Variants in B4GALNT3 observed in about 807,000 individuals in gnomAD.
B4GALNT3 encodes the protein beta-1,4-N-acetylgalactosaminyltransferase 3.
A neutral mutation model predicts 120.2 loss-of-function variants in B4GALNT3; 86 were observed. That is an observed-to-expected ratio of 0.72 (90% confidence interval 0.60 to 0.86). The LOEUF is 0.86. B4GALNT3 is among the 40% of genes least tolerant of loss of function. The pLI is 0.00. For synonymous variants in B4GALNT3, 518 were observed against 510.4 expected (o/e 1.01, Z -0.20); for missense variants, 1,167 against 1,298.9 (o/e 0.90, Z 1.56).
intron 1 of B4GALNT3, among the ~76,000 whole-genome samples, chr12:509,195 C>T (rs1039437462): frequency 2.0e-5 from 3 of 152,240 alleles, no homozygotes; most frequent in Non-Finnish European, 2.9e-5. Flanking sequence ...GCTGTACCTT[C>T]GCCCCACCCC....
chr12:465,714 G>A (rs1325526666), intron 1 of B4GALNT3, among the ~76,000 whole-genome samples: 2 of 152,066 alleles, frequency 1.3e-5, no homozygotes, highest in Non-Finnish European at 2.9e-5. Context: ...GGACCCTCAA[G>A]TTGAGGTCCC....
At chr12:478,273 T>A (rs2159363) in intron 1 of B4GALNT3, among the ~76,000 whole-genome samples, 26 of 42,266 alleles carry the variant, frequency 6.2e-4, no homozygotes, top group East Asian at 1.7e-3. Flanking sequence ...AAAAAAAAAA[T>A]TAGAGGAGGT....
intron 1 of B4GALNT3, among the ~76,000 whole-genome samples, chr12:532,151 CTA>C (rs1946814969): frequency 6.6e-6 from 1 of 152,152 alleles, no homozygotes; most frequent in East Asian, 1.9e-4. Context: ...TCTTCCTACT[CTA>C]TCATGAGGAC....
intron 14 of B4GALNT3, chr12:555,321 T>G: frequency 2.2e-6 from 1 of 456,664 alleles, no homozygotes; most frequent in South Asian, 1.6e-5. Flanking sequence ...GGACATCTTA[T>G]GCAAATGGAA....
chr12:494,819 G>C (rs984649667), intron 1 of B4GALNT3, among the ~76,000 whole-genome samples: 13 of 151,366 alleles, frequency 8.6e-5, no homozygotes, highest in African/African-American at 2.9e-4. Context: ...TAATGTGTGC[G>C]GGGGGGAGTC....
chr12:554,675 A>G (rs1947127192), intron 14 of B4GALNT3, among the ~76,000 whole-genome samples: 1 of 149,162 alleles, frequency 6.7e-6, no homozygotes, highest in African/African-American at 2.5e-5. Flanking sequence ...CTGTAGTCCC[A>G]GCTACTCGGG....
At chr12:492,470 C>G (rs1416812557) in intron 1 of B4GALNT3, among the ~76,000 whole-genome samples, 1 of 152,122 alleles carries the variant, frequency 6.6e-6, no homozygotes, top group Non-Finnish European at 1.5e-5. Flanking sequence ...AATCAAAGAA[C>G]TAATTAAGTA....
chr12:557,583 TCTC>T (rs768395942), intron 15 of B4GALNT3, 22 bp from the exon 16 acceptor site: 7 of 1,596,338 alleles, frequency 4.4e-6, no homozygotes, highest in African/African-American at 1.3e-5. Flanking sequence ...TGTGTTTCCT[TCTC>T]CTGCCTGACC....
chr12:511,884 T>TCTTCCACCTTCCACCTTC (rs768419094), intron 1 of B4GALNT3, among the ~76,000 whole-genome samples: 5 of 14,624 alleles, frequency 3.4e-4, no homozygotes, highest in African/African-American at 2.0e-3. Flanking sequence ...CCTTCCACCT[T>TCTTCCACCTTCCACCTTC]CTTCCACCTT....
chr12:513,176 A>G (rs1345425659), intron 1 of B4GALNT3, among the ~76,000 whole-genome samples: 1 of 133,854 alleles, frequency 7.5e-6, no homozygotes, highest in East Asian at 2.2e-4. Flanking sequence ...TCCACCTTCC[A>G]CCTTCTTCCA....
At chr12:534,189 T>C (rs150437093) in intron 1 of B4GALNT3, among the ~76,000 whole-genome samples, 1 of 152,316 alleles carries the variant, frequency 6.6e-6, no homozygotes, top group East Asian at 1.9e-4. Flanking sequence ...AAGTGAGCCT[T>C]GATCAGCCAT....
intron 1 of B4GALNT3, among the ~76,000 whole-genome samples, chr12:480,408 C>T (rs2120468949): frequency 6.6e-6 from 1 of 152,218 alleles, no homozygotes; most frequent in Non-Finnish European, 1.5e-5. Flanking sequence ...GTTTCCTTTT[C>T]CGTAAACACG....
intron 2 of B4GALNT3, 50 bp downstream of exon 2, chr12:535,319 C>A: frequency 1.3e-6 from 2 of 1,511,380 alleles, no homozygotes; most frequent in Non-Finnish European, 1.8e-6. Context: ...AACAAAGGTC[C>A]GCAGGTGCTC....
intron 1 of B4GALNT3, among the ~76,000 whole-genome samples, chr12:474,386 A>C (rs1475589907): frequency 1.3e-5 from 2 of 152,098 alleles, no homozygotes; most frequent in African/African-American, 2.4e-5. Context: ...ACACTTATCA[A>C]CCTTAGCATT....
At chr12:514,487 A>G (rs367806267) in intron 1 of B4GALNT3, among the ~76,000 whole-genome samples, 141 of 151,616 alleles carry the variant, frequency 9.3e-4, no homozygotes, top group South Asian at 2.3e-3. Context: ...ATGAGCCACC[A>G]CGCCCAGCCT....
At chr12:552,565 AGAGGGGC>A in intron 13 of B4GALNT3, 37 bp downstream of exon 13, 1 of 1,597,408 alleles carries the variant, frequency 6.3e-7, no homozygotes, top group Non-Finnish European at 8.6e-7. Context: ...GGTCAGGCTG[AGAGGGGC>A]GACCATGGTC....
Position 556,881 on chromosome 12 carries a change from G to A in B4GALNT3, c.2380+15G>A, listed in dbSNP as rs1370672962. On this transcript the variant is annotated intron_variant, in intron 15 of 19. Coordinates refer to ENST00000266383, the MANE Select transcript of B4GALNT3 (RefSeq NM_173593.4). ...CGTCGTGCCTGGTGAGCCTCAAGCTGAGCCTCGGCATTCTCAGGGGCGGGG... is the reference window on the plus strand; with the variant it reads ...CGTCGTGCCTGGTGAGCCTCAAGCTAAGCCTCGGCATTCTCAGGGGCGGGG... 1 of 1,590,498 alleles carries A rather than the reference G, an allele frequency of 6.3e-7. No homozygotes were observed. Among genetic ancestry groups the A allele is most frequent in the South Asian group, 1.1e-5 (1 of 89,058 alleles).
intron 1 of B4GALNT3, among the ~76,000 whole-genome samples, chr12:499,920 G>A (rs972537170): frequency 1.3e-5 from 2 of 152,176 alleles, no homozygotes; most frequent in African/African-American, 4.8e-5. Flanking sequence ...AAAATACAGT[G>A]AGCTAAAGTC....
intron 3 of B4GALNT3, among the ~76,000 whole-genome samples, chr12:538,818 C>T (rs541131618): frequency 6.6e-6 from 1 of 152,292 alleles, no homozygotes; most frequent in Admixed American, 6.5e-5. Context: ...GGCATCCAGC[C>T]CAGCCTTGCA....
Sources: allele counts gnomAD v4.1 joint callset (sites outside exome capture counted in the v4.1 genomes callset), GRCh38; gene constraint gnomAD v4.1.1; transcripts MANE v1.5; gene names NCBI Gene and HGNC (gene_info 2026-07-23, HGNC 2026-07-21).